PPEF1: variants seen among roughly 807,000 people sequenced by gnomAD.
The protein encoded by PPEF1 is serine/threonine-protein phosphatase with EF-hands 1.
A neutral mutation model predicts 53.3 loss-of-function variants in PPEF1; 12 were observed. The observed-to-expected ratio is 0.23, with a 90% CI of 0.14 to 0.36. The LOEUF (loss-of-function observed/expected upper bound fraction) is 0.36. Among genes scored for constraint, PPEF1 ranks in the 10% least tolerant of loss-of-function variants. The pLI, the probability that PPEF1 is intolerant of heterozygous loss-of-function variation, is 1.00. For missense variants in PPEF1, 334 were observed against 490.4 expected (o/e 0.68, Z 3.01); for synonymous variants, 165 against 176.7 (o/e 0.93, Z 0.52).
chrX:18,700,743 C>G (rs1047311415), intron 6 of PPEF1, among the ~76,000 whole-genome samples: 1 of 111,588 alleles, frequency 9.0e-6, no homozygotes, highest in African/African-American at 3.3e-5. Flanking sequence ...TTTGAGAAAC[C>G]CTTCTAGGTC....
intron 3 of PPEF1, among the ~76,000 whole-genome samples, chrX:18,744,161 G>T (rs1426840931): frequency 3.6e-5 from 4 of 112,118 alleles, no homozygotes; most frequent in Non-Finnish European, 5.6e-5. Context: ...AAAGTGCTGG[G>T]ATTACAGGCG....
chrX:18,763,019 T>C (rs2045697751), intron 6 of PPEF1, among the ~76,000 whole-genome samples: 1 of 111,594 alleles, frequency 9.0e-6, no homozygotes, highest in African/African-American at 3.3e-5. Flanking sequence ...CCAGACCAAC[T>C]CAAAATTAGA....
intron 3 of PPEF1, among the ~76,000 whole-genome samples, chrX:18,737,941 G>C (rs2045030553): frequency 9.0e-6 from 1 of 110,865 alleles, no homozygotes; most frequent in African/African-American, 3.3e-5. Context: ...GACTAGGATT[G>C]CAACCCCTGC....
At chrX:18,699,740 C>T (rs779719979) in intron 5 of PPEF1, among the ~76,000 whole-genome samples, 3 of 111,742 alleles carry the variant, frequency 2.7e-5, no homozygotes, top group Non-Finnish European at 5.6e-5. Context: ...AGCTACTGAA[C>T]AGCTGGTGGA....
intron 1 of PPEF1, among the ~76,000 whole-genome samples, chrX:18,726,332 T>G (rs1428054632): frequency 9.4e-6 from 1 of 106,882 alleles, no homozygotes. Context: ...CAGCCTGGGC[T>G]ACAGACGAGA....
intron 1 of PPEF1, among the ~76,000 whole-genome samples, chrX:18,683,840 T>A (rs1016075152): frequency 4.5e-5 from 5 of 112,104 alleles, no homozygotes; most frequent in Non-Finnish European, 7.5e-5. Context: ...AGTTGACAAT[T>A]GGGAAGAAGA....
At chrX:18,690,183 G>C (rs1405383233) in intron 3 of PPEF1, among the ~76,000 whole-genome samples, 1 of 110,890 alleles carries the variant, frequency 9.0e-6, no homozygotes, top group Non-Finnish European at 1.9e-5. Context: ...GCACATAATA[G>C]ATGCTCAACA....
At chrX:18,713,072 G>C (rs1318990045) in intron 1 of PPEF1, among the ~76,000 whole-genome samples, 1 of 111,662 alleles carries the variant, frequency 9.0e-6, no homozygotes, top group African/African-American at 3.3e-5. Context: ...AAGAGATACT[G>C]ATCTATAGTT....
rs143918277 is a variant in PPEF1 at position 18,687,277 on chromosome X, G to C, written c.-426+1046G>C. On this transcript the variant is annotated intron_variant, in intron 3 of 21. Transcript: ENST00000361511. ...CACTGCCACCTAGAACAAAACGGGG[G>C]TTTTATTAGTAAGGAACAGGGGGAG... Among the ~76,000 whole-genome samples, 472 of 111,126 alleles carry C rather than the reference G, an allele frequency of 4.2e-3. 3 individuals carry two copies. Among genetic ancestry groups the C allele is most frequent in the Middle Eastern group, 0.023 (5 of 216 alleles).
chrX:18,788,304 C>CAAAAA (rs1214682551), intron 9 of PPEF1, among the ~76,000 whole-genome samples: 6 of 30,289 alleles, frequency 2.0e-4, no homozygotes, highest in Admixed American at 5.2e-4. Flanking sequence ...GACTCTGTCT[C>CAAAAA]AAAAAAAAAA....
intron 3 of PPEF1, among the ~76,000 whole-genome samples, chrX:18,736,726 C>A (rs1322930233): frequency 8.9e-6 from 1 of 112,358 alleles, no homozygotes; most frequent in Non-Finnish European, 1.9e-5. Flanking sequence ...CTTTGTACCT[C>A]TGGTAGAATT....
intron 3 of PPEF1, among the ~76,000 whole-genome samples, chrX:18,740,123 G>A (rs755406961): frequency 3.6e-5 from 4 of 112,016 alleles, no homozygotes; most frequent in South Asian, 3.7e-4. Flanking sequence ...CTCACACTCC[G>A]TGGGCTGCAC....
chrX:18,711,701 C>A (rs1333960064), intron 1 of PPEF1, among the ~76,000 whole-genome samples: 1 of 110,357 alleles, frequency 9.1e-6, no homozygotes, highest in Non-Finnish European at 1.9e-5. Context: ...CAATTCTATT[C>A]CAGTGATCTG....
At chrX:18,744,056 A>C (rs760243613) in intron 3 of PPEF1, among the ~76,000 whole-genome samples, 17 of 107,635 alleles carry the variant, frequency 1.6e-4, no homozygotes, top group African/African-American at 4.7e-4. Context: ...ATGCCTGGCT[A>C]ATTTTGTATT....
chrX:18,692,464 T>G (rs1432713142), intron 4 of PPEF1, among the ~76,000 whole-genome samples: 1 of 112,138 alleles, frequency 8.9e-6, no homozygotes, highest in Non-Finnish European at 1.9e-5. Context: ...AATCTATTTA[T>G]TCTTCCAAAC....
intron 13 of PPEF1, among the ~76,000 whole-genome samples, chrX:18,821,748 G>A (rs1386457818): frequency 3.0e-5 from 3 of 99,743 alleles, no homozygotes; most frequent in Non-Finnish European, 4.0e-5. Flanking sequence ...TGAAGTTGAC[G>A]AAACCATGGC....
chrX:18,677,969 C>T (rs1928735259), intron 1 of PPEF1, among the ~76,000 whole-genome samples: 1 of 109,908 alleles, frequency 9.1e-6, no homozygotes, highest in African/African-American at 3.3e-5. Flanking sequence ...ACTATAGGCA[C>T]CCAGGAGGGA....
rs1168223701 is a variant in PPEF1, at chrX:18,824,742, C to T, written c.1665+656C>T. ...GCAGTGGTGCAGTCTCGGCTCACTG[C>T]AACCTCTGCCTGCCACGCTCAAGTG... is the stretch of plus-strand genomic sequence containing the variant. On this transcript the variant is annotated intron_variant, in intron 14 of 15. Coordinates refer to ENST00000470157, the MANE Select transcript of PPEF1 (RefSeq NM_001377996.1). 3.6e-5 allele frequency among the ~76,000 whole-genome samples: 4 copies of T among 109,943 alleles called. No homozygotes were observed. In the South Asian group the frequency reaches 1.2e-3, roughly 33 times the overall value.
At chrX:18,677,985 C>T (rs190899170), upstream of PPEF1, among the ~76,000 whole-genome samples, 651 of 109,875 alleles carry the variant, frequency 5.9e-3, 8 homozygotes, top group African/African-American at 0.021. Context: ...AGGGAGAGGC[C>T]GGGGCGCTGC....
Sources: gnomAD v4.1 joint callset for allele counts (sites outside exome capture counted in the v4.1 genomes callset) on GRCh38, gnomAD v4.1.1 for gene constraint, MANE v1.5 for transcripts, NCBI Gene and HGNC (gene_info 2026-07-23, HGNC 2026-07-21) for gene names.